Variants in SPIRE1 observed in about 807,000 individuals in gnomAD.
The protein encoded by SPIRE1 is spire type actin nucleation factor 1.
Under a neutral mutation model 94.1 loss-of-function variants are expected in SPIRE1, and 40 were observed. That is an observed-to-expected ratio of 0.43 (90% confidence interval 0.33 to 0.55). The LOEUF (loss-of-function observed/expected upper bound fraction) is 0.55, where lower values mean the gene tolerates loss of function less well. Ranked by LOEUF, SPIRE1 falls within the 20% of genes least tolerant of loss-of-function variation. The pLI, the probability that SPIRE1 is intolerant of heterozygous loss-of-function variation, is 0.06. For missense variants in SPIRE1, 838 were observed against 975.2 expected, an observed-to-expected ratio of 0.86 and a Z score of 1.87; for synonymous variants, 376 against 371.7, an observed-to-expected ratio of 1.01 and a Z score of -0.13.
chr18:12,556,482 G>A lies in SPIRE1; in HGVS notation c.373-9578C>T, dbSNP rs143196348. Among the ~76,000 whole-genome samples the A allele has an allele frequency of 5.9e-3, 898 of 152,266 alleles. 7 individuals carry two copies. Among genetic ancestry groups the A allele is most frequent in the African/African-American group, 0.02 (842 of 41,554 alleles). ...TCGCTGACTTCAAGAATGAAGCTGC[G>A]GACCCTCACGGTGAGTGTTATAGTT... On this transcript the variant is annotated intron_variant, in intron 2 of 16. Transcript: ENST00000409402.
intron 14 of SPIRE1, 91 bp downstream of exon 14, chr18:12,452,977 C>T: frequency 1.3e-6 from 1 of 796,924 alleles, no homozygotes; most frequent in East Asian, 2.6e-5. Context: ...AATTTTATTC[C>T]TGTTTAGAAA....
chr18:12,505,565 A>C (rs1358848882), intron 6 of SPIRE1, among the ~76,000 whole-genome samples: 2 of 151,726 alleles, frequency 1.3e-5, no homozygotes, highest in Non-Finnish European at 2.9e-5. Context: ...AAAAAAAAAA[A>C]AACAAAAAAA....
At chr18:12,476,586 TATAC>T (rs1171493662) in intron 10 of SPIRE1, among the ~76,000 whole-genome samples, 18 of 119,758 alleles carry the variant, frequency 1.5e-4, no homozygotes, top group East Asian at 5.4e-4. Context: ...TATATATATA[TATAC>T]ACACACACAC....
chr18:12,466,205 AT>A (rs2032092296), intron 10 of SPIRE1, among the ~76,000 whole-genome samples: 2 of 152,174 alleles, frequency 1.3e-5, no homozygotes, highest in South Asian at 4.1e-4. Context: ...AAAGTATAAT[AT>A]TTATTCCTGA....
intron 2 of SPIRE1, among the ~76,000 whole-genome samples, chr18:12,556,783 G>C (rs2035522484): frequency 6.6e-6 from 1 of 152,172 alleles, no homozygotes; most frequent in Admixed American, 6.5e-5. Context: ...AAGGTGGTGA[G>C]GACCCAAAGA....
At chr18:12,554,652 C>T (rs2035448917) in intron 2 of SPIRE1, among the ~76,000 whole-genome samples, 1 of 152,086 alleles carries the variant, frequency 6.6e-6, no homozygotes, top group South Asian at 2.1e-4. Flanking sequence ...GGTGAGTAAT[C>T]CCCTGACATC....
At chr18:12,479,669 G>C (rs775934992) in intron 10 of SPIRE1, 30 bp downstream of exon 10, 1 of 1,566,628 alleles carries the variant, frequency 6.4e-7, no homozygotes, top group Non-Finnish European at 8.6e-7. Context: ...CCTCATCTTG[G>C]GAGTCAAGCT....
At position 12,489,208 on chromosome 18, in the gene SPIRE1, C is replaced by T. The variant is rs571382825; in HGVS notation, c.1190-3208G>A. ...GTCTCAAAAAAGAAAGAATAATCTT[C>T]CTTGAACTTATCTCGGAAAAGTTTT... On this transcript the variant is annotated intron_variant, in intron 8 of 16. Coordinates refer to ENST00000409402, the MANE Select transcript of SPIRE1 (RefSeq NM_001128626.2). 5.2e-4 allele frequency among the ~76,000 whole-genome samples: 79 copies of T among 152,196 alleles called. 1 individual carries two copies. Among genetic ancestry groups the T allele is most frequent in the African/African-American group, 1.9e-3 (79 of 41,518 alleles).
chr18:12,573,126 A>G (rs1432843844), intron 2 of SPIRE1, among the ~76,000 whole-genome samples: 1 of 152,240 alleles, frequency 6.6e-6, no homozygotes, highest in Non-Finnish European at 1.5e-5. Context: ...AAATATAGAA[A>G]GAATTCTTAA....
At chr18:12,524,805 C>T (rs2034456928) in intron 4 of SPIRE1, among the ~76,000 whole-genome samples, 1 of 151,944 alleles carries the variant, frequency 6.6e-6, no homozygotes. Flanking sequence ...AAGACCCCAT[C>T]TCCACAAAAA....
At chr18:12,542,334 G>A (rs1461410454) in intron 3 of SPIRE1, among the ~76,000 whole-genome samples, 1 of 152,048 alleles carries the variant, frequency 6.6e-6, no homozygotes, top group Non-Finnish European at 1.5e-5. Flanking sequence ...TATAGATTTT[G>A]TACTTTCAGT....
intron 2 of SPIRE1, among the ~76,000 whole-genome samples, chr18:12,605,410 G>T (rs2036947557): frequency 6.6e-6 from 1 of 152,184 alleles, no homozygotes; most frequent in South Asian, 2.1e-4. Flanking sequence ...GGAGGCTGAG[G>T]CAGGGGAATC....
At position 12,648,872 on chromosome 18, in the gene SPIRE1, A is replaced by G. The variant is rs1158722485; in HGVS notation, c.337+8658T>C. ...GCCATTGCACTCCAGCCTGGACAAGAAGAGCGAAACTCCGTCTCAAAAAAA... is the reference window on the plus strand; with the variant it reads ...GCCATTGCACTCCAGCCTGGACAAGGAGAGCGAAACTCCGTCTCAAAAAAA... On this transcript the variant is annotated intron_variant, in intron 1 of 16. Coordinates refer to ENST00000409402, the MANE Select transcript of SPIRE1 (RefSeq NM_001128626.2). 2.8e-5 allele frequency among the ~76,000 whole-genome samples: 4 copies of G among 142,660 alleles called. No individual in the cohort carries two copies. The East Asian group carries it at 8.3e-4, about 29-fold the overall frequency. The allele number at this position is 142,660 out of a possible 152,430, so 93.6% of individuals were successfully genotyped here.
intron 3 of SPIRE1, among the ~76,000 whole-genome samples, chr18:12,546,421 C>A (rs1207176789): frequency 6.6e-6 from 1 of 151,976 alleles, no homozygotes; most frequent in African/African-American, 2.4e-5. Context: ...TCACTTGAGC[C>A]CAGGGGTTCA....
Position 12,446,872 on chromosome 18 carries a change from G to A in SPIRE1, c.*2766C>T, listed in dbSNP as rs928584731. ...CTCTTTAAACATAAGATCATTTTAAGCCTCTTACATAACCACCTTCTGGTT... is the reference window on the plus strand; with the variant it reads ...CTCTTTAAACATAAGATCATTTTAAACCTCTTACATAACCACCTTCTGGTT... On this transcript the variant is annotated 3_prime_UTR_variant, in exon 17 of 17. Transcript: ENST00000409402. The A allele has an allele frequency of 6.6e-6, 1 of 152,134 alleles. No individual in the cohort carries two copies. The highest frequency in any genetic ancestry group is 2.4e-5 in the African/African-American group (1 of 41,418). The allele number at this position is 152,134 out of a possible 1,614,324, so 9.4% of individuals were successfully genotyped here.
At chr18:12,610,262 T>G (rs2037102133) in intron 2 of SPIRE1, among the ~76,000 whole-genome samples, 2 of 152,178 alleles carry the variant, frequency 1.3e-5, no homozygotes, top group Non-Finnish European at 2.9e-5. Flanking sequence ...TGGCCTCTCC[T>G]GTCTGTGAGC....
intron 2 of SPIRE1, among the ~76,000 whole-genome samples, chr18:12,586,549 G>T (rs2036396025): frequency 6.6e-6 from 1 of 152,124 alleles, no homozygotes; most frequent in South Asian, 2.1e-4. Context: ...TCTCAGTCAT[G>T]GCATCTGCTA....
At chr18:12,645,903 C>T (rs1480184126) in intron 1 of SPIRE1, among the ~76,000 whole-genome samples, 1 of 152,146 alleles carries the variant, frequency 6.6e-6, no homozygotes, top group African/African-American at 2.4e-5. Flanking sequence ...CACACATCCT[C>T]CGCTCCAGGC....
chr18:12,616,618 T>G (rs941066421), intron 2 of SPIRE1, among the ~76,000 whole-genome samples: 2 of 152,242 alleles, frequency 1.3e-5, no homozygotes, highest in African/African-American at 4.8e-5. Context: ...GAGATGTTTT[T>G]AATTGCATTA....
Sources: allele counts gnomAD v4.1 joint callset (sites outside exome capture counted in the v4.1 genomes callset), GRCh38; gene constraint gnomAD v4.1.1; transcripts MANE v1.5; gene names NCBI Gene and HGNC (gene_info 2026-07-23, HGNC 2026-07-21).